Variants in TENM3 observed in about 807,000 individuals in gnomAD.
The protein encoded by TENM3 is teneurin transmembrane protein 3, also known as teneurin-3.
In TENM3, 63 loss-of-function variants were observed where a neutral mutation model predicts 255.1. That is an observed-to-expected ratio of 0.25 (90% CI 0.20 to 0.30). The LOEUF (loss-of-function observed/expected upper bound fraction) is 0.30. Among genes scored for constraint, TENM3 ranks in the 10% least tolerant of loss-of-function variants. The pLI is 1.00. For synonymous variants in TENM3, 1,306 were observed against 1,322.3 expected (o/e 0.99, Z 0.27); for missense variants, 2,929 against 3,461.1 (o/e 0.85, Z 3.86).
At chr4:182,217,096 C>T (rs1755536415) in intron 1 of TENM3, among the ~76,000 whole-genome samples, 1 of 125,584 alleles carries the variant, frequency 8.0e-6, no homozygotes, top group South Asian at 2.8e-4. Flanking sequence ...TCTCGGCTCA[C>T]TGCAACCTCT....
At chr4:182,315,113 G>A (rs1031677752) in intron 1 of TENM3, among the ~76,000 whole-genome samples, 48 of 152,216 alleles carry the variant, frequency 3.2e-4, no homozygotes, top group African/African-American at 1.1e-3. Context: ...ACTTACACAT[G>A]TTATAAATGC....
At chr4:182,593,469 G>A (rs1746874070) in intron 3 of TENM3, among the ~76,000 whole-genome samples, 2 of 151,982 alleles carry the variant, frequency 1.3e-5, no homozygotes, top group Non-Finnish European at 2.9e-5. Flanking sequence ...GTCTTTTGAT[G>A]ACTGACTTTA....
intron 3 of TENM3, among the ~76,000 whole-genome samples, chr4:182,554,378 T>C (rs1248675688): frequency 6.6e-6 from 1 of 152,194 alleles, no homozygotes; most frequent in Non-Finnish European, 1.5e-5. Context: ...AAATCAAGTT[T>C]TATAGTGTGA....
the TENM3 span, among the ~76,000 whole-genome samples, chr4:181,913,773 G>A: frequency 6.6e-6 from 1 of 152,152 alleles, no homozygotes; most frequent in East Asian, 1.9e-4. Context: ...CTGACATATT[G>A]GTTCTTTGAG....
chr4:182,427,793 T>C (rs973957947), intron 3 of TENM3, among the ~76,000 whole-genome samples: 3 of 152,172 alleles, frequency 2.0e-5, no homozygotes, highest in South Asian at 4.1e-4. Context: ...ATACACAGTA[T>C]GGACCCAGAA....
At chr4:182,241,510 T>TTTCC (rs1561232112), upstream of TENM3, among the ~76,000 whole-genome samples, 2 of 131,696 alleles carry the variant, frequency 1.5e-5, no homozygotes, top group African/African-American at 7.1e-5. Flanking sequence ...TCCCTTTCTT[T>TTTCC]TTTCTTTCTT....
At chr4:182,719,093 A>G (rs567017966) in intron 13 of TENM3, among the ~76,000 whole-genome samples, 25 of 152,250 alleles carry the variant, frequency 1.6e-4, no homozygotes, top group African/African-American at 5.8e-4. Flanking sequence ...CACCTGAGAC[A>G]TGAGACTCAA....
At chr4:181,875,348 CATT>C in the TENM3 span, among the ~76,000 whole-genome samples, 1 of 151,904 alleles carries the variant, frequency 6.6e-6, no homozygotes, top group East Asian at 1.9e-4. Flanking sequence ...AATTTACCTT[CATT>C]ATTCATTAGT....
intron 19 of TENM3, among the ~76,000 whole-genome samples, chr4:182,743,955 G>A (rs1205796142): frequency 1.3e-5 from 2 of 151,974 alleles, no homozygotes; most frequent in Non-Finnish European, 2.9e-5. Flanking sequence ...ATTCTATTCT[G>A]TAAGTTATTT....
chr4:182,092,498 G>T, the TENM3 span, among the ~76,000 whole-genome samples: 9,287 of 151,910 alleles, frequency 0.061, 379 homozygotes, highest in African/African-American at 0.11. Flanking sequence ...AAATTTAAAA[G>T]TTAGCCAGGC....
the TENM3 span, among the ~76,000 whole-genome samples, chr4:181,888,509 T>TATATATATATATATAC: frequency 3.1e-5 from 1 of 32,432 alleles, no homozygotes; most frequent in Non-Finnish European, 5.6e-5. Flanking sequence ...TATATATATA[T>TATATATATATATATAC]ATATATGTAT....
At chr4:182,280,567 G>A (rs1760315877) in intron 1 of TENM3, among the ~76,000 whole-genome samples, 1 of 152,054 alleles carries the variant, frequency 6.6e-6, no homozygotes, top group Non-Finnish European at 1.5e-5. Context: ...CTGACTCATG[G>A]CATAAAAATA....
intron 1 of TENM3, among the ~76,000 whole-genome samples, chr4:182,315,070 CCCTT>C (rs1334429098): frequency 2.6e-5 from 4 of 152,130 alleles, no homozygotes; most frequent in African/African-American, 9.7e-5. Flanking sequence ...CATGTCCTCT[CCCTT>C]CCTTTATGCT....
the TENM3 span, among the ~76,000 whole-genome samples, chr4:181,637,262 A>G: frequency 6.6e-6 from 1 of 152,168 alleles, no homozygotes; most frequent in African/African-American, 2.4e-5. Context: ...ATAGAAATGT[A>G]TTTCTTATTT....
the TENM3 span, among the ~76,000 whole-genome samples, chr4:181,749,138 C>T: frequency 6.6e-6 from 1 of 151,868 alleles, no homozygotes; most frequent in Non-Finnish European, 1.5e-5. Context: ...GAAGAAAATA[C>T]ATTAATTTGA....
At chr4:182,298,147 T>G (rs1199621672) in intron 1 of TENM3, among the ~76,000 whole-genome samples, 1 of 152,224 alleles carries the variant, frequency 6.6e-6, no homozygotes, top group Non-Finnish European at 1.5e-5. Context: ...TGTCGCCACT[T>G]ATAATTAATT....
the TENM3 span, among the ~76,000 whole-genome samples, chr4:181,942,269 CTT>C: frequency 0.16 from 16,561 of 106,512 alleles, 937 homozygotes; most frequent in South Asian, 0.29. Flanking sequence ...GATGTTGGGC[CTT>C]TTTTTTTTTT....
chr4:181,467,123 ATATTTTTTTT>A, the TENM3 span, among the ~76,000 whole-genome samples: 6 of 17,980 alleles, frequency 3.3e-4, no homozygotes, highest in African/African-American at 1.2e-3. Context: ...ATATATATAT[ATATTTTTTTT>A]TTTTTTTTTT....
At chr4:182,498,409 T>G (rs1056605182) in intron 3 of TENM3, among the ~76,000 whole-genome samples, 2 of 152,220 alleles carry the variant, frequency 1.3e-5, no homozygotes, top group Non-Finnish European at 2.9e-5. Context: ...TATGCTGTTC[T>G]CCATGTTCAG....
Sources: allele counts gnomAD v4.1 joint callset (sites outside exome capture counted in the v4.1 genomes callset), GRCh38; gene constraint gnomAD v4.1.1; transcripts MANE v1.5; gene names NCBI Gene and HGNC (gene_info 2026-07-23, HGNC 2026-07-21).